KCNN3: variants seen among roughly 807,000 people sequenced by gnomAD.
KCNN3 encodes the protein potassium calcium-activated channel subfamily N member 3.
KCNN3 carries 16 observed loss-of-function variants against 62.9 expected under a neutral mutation model. That is an observed-to-expected ratio of 0.25 (90% CI 0.17 to 0.39). The LOEUF (loss-of-function observed/expected upper bound fraction) is 0.39. Ranked by LOEUF, KCNN3 falls within the 10% of genes least tolerant of loss-of-function variation. The pLI is 1.00. For synonymous variants in KCNN3, 370 were observed against 389.2 expected (o/e 0.95, Z 0.58); for missense variants, 599 against 949.4 (o/e 0.63, Z 4.85).
intron 1 of KCNN3, among the ~76,000 whole-genome samples, chr1:154,834,868 C>T (rs1651524441): frequency 6.6e-6 from 1 of 151,794 alleles, no homozygotes; most frequent in Non-Finnish European, 1.5e-5. Context: ...AGCACAGTCC[C>T]GGCTGAGACC....
intron 1 of KCNN3, among the ~76,000 whole-genome samples, chr1:154,844,479 C>A (rs1243586679): frequency 6.6e-6 from 1 of 152,212 alleles, no homozygotes; most frequent in East Asian, 1.9e-4. Context: ...GGTCACACAT[C>A]CTGTCAGGCC....
Position 154,699,258 on chromosome 1 carries a change from C to T in KCNN3, c.*8718G>A, listed in dbSNP as rs904762550. On this transcript the variant is annotated 3_prime_UTR_variant, in exon 8 of 8. Transcript: ENST00000271915. ...ACAAACAAAAAATACATCAATGTTC[C>T]GAATAGAACCTCTCTATGTAAAGGT... is the stretch of plus-strand genomic sequence containing the variant. 8.0e-5 allele frequency: 12 copies of T among 150,310 alleles called. No homozygotes were observed. Among genetic ancestry groups the T allele is most frequent in the African/African-American group, 1.5e-4 (6 of 40,738 alleles). 9.3% of individuals were successfully genotyped at this position (150,310 alleles called of 1,614,324 possible). A position where few individuals can be genotyped will look rare whatever the true frequency, so the allele number is the denominator to read the frequency against.
At chr1:154,793,151 A>C (rs1649589238) in intron 2 of KCNN3, among the ~76,000 whole-genome samples, 1 of 152,180 alleles carries the variant, frequency 6.6e-6, no homozygotes, top group African/African-American at 2.4e-5. Context: ...AGCTGTAATA[A>C]ATCATGTGCC....
chr1:154,731,901 G>A (rs2101790956), intron 4 of KCNN3, among the ~76,000 whole-genome samples: 1 of 152,212 alleles, frequency 6.6e-6, no homozygotes, highest in Middle Eastern at 3.4e-3. Flanking sequence ...TCTGAAAAAA[G>A]TGTCCAACCC....
At chr1:154,747,311 C>T (rs1248084564) in intron 3 of KCNN3, among the ~76,000 whole-genome samples, 2 of 152,178 alleles carry the variant, frequency 1.3e-5, no homozygotes, top group African/African-American at 4.8e-5. Flanking sequence ...CCCTTCCACA[C>T]TGCAGCCAGG....
At chr1:154,861,161 G>T (rs1332009204) in intron 1 of KCNN3, among the ~76,000 whole-genome samples, 3 of 151,938 alleles carry the variant, frequency 2.0e-5, no homozygotes, top group Non-Finnish European at 4.4e-5. Context: ...CGCCATGTTG[G>T]CCAGGCTGGT....
At chr1:154,794,590 C>G (rs768629544) in intron 2 of KCNN3, among the ~76,000 whole-genome samples, 9 of 152,216 alleles carry the variant, frequency 5.9e-5, no homozygotes, top group Admixed American at 3.3e-4. Flanking sequence ...TATTGCCTTT[C>G]TGGTCTCCCT....
chr1:154,731,262 C>T (rs752844217), intron 4 of KCNN3, among the ~76,000 whole-genome samples: 7 of 152,258 alleles, frequency 4.6e-5, no homozygotes, highest in Non-Finnish European at 7.3e-5. Flanking sequence ...ACAGTTGGTG[C>T]TATGCCAAGA....
At chr1:154,731,209 C>T (rs1452245538) in intron 4 of KCNN3, among the ~76,000 whole-genome samples, 1 of 152,228 alleles carries the variant, frequency 6.6e-6, no homozygotes, top group African/African-American at 2.4e-5. Context: ...AGTGGCATTT[C>T]ATTCCTTTCT....
intron 1 of KCNN3, among the ~76,000 whole-genome samples, chr1:154,842,497 C>T (rs573149199): frequency 2.6e-5 from 4 of 152,244 alleles, no homozygotes; most frequent in Admixed American, 1.3e-4. Flanking sequence ...AAAAGTGGGG[C>T]AGAAGGGGGC....
At position 154,809,763 on chromosome 1, in the gene KCNN3, T is replaced by A. The variant is rs1650323570; in HGVS notation, c.1029+12326A>T. Among the ~76,000 whole-genome samples the A allele has an allele frequency of 6.6e-6, 1 of 152,026 alleles. No homozygotes were observed. Among genetic ancestry groups the A allele is most frequent in the Admixed American group, 6.6e-5 (1 of 15,264 alleles). On this transcript the variant is annotated intron_variant, in intron 2 of 7. Transcript: ENST00000271915. This position sits in a 1 kb window ranked among gnomAD's most constrained non-coding sequence, Gnocchi z 4.3. ...TTCTCACCTAAAAAGCCAACGGTAT[T>A]AGGAAGGATGGGAGATTGAGGGGGC... is the stretch of plus-strand genomic sequence containing the variant.
At position 154,707,910 on chromosome 1, in the gene KCNN3, G is replaced by T; in HGVS notation, c.*66C>A. On this transcript the variant is annotated 3_prime_UTR_variant, in exon 8 of 8. Coordinates refer to ENST00000271915, the MANE Select transcript of KCNN3 (RefSeq NM_002249.6). ...TCTGAATGTTTCTTGATGGCAAAGC[G>T]ACCAGGAGAGAGTTGATTTGCATCT... 2 of 1,520,034 alleles carry T rather than the reference G, an allele frequency of 1.3e-6. No individual in the cohort carries two copies. The highest frequency in any genetic ancestry group is 2.5e-5 in the South Asian group (2 of 80,944). The allele number at this position is 1,520,034 out of a possible 1,614,324, so 94.2% of individuals were successfully genotyped here.
At chr1:154,737,803 C>A (rs941142298) in intron 3 of KCNN3, among the ~76,000 whole-genome samples, 4 of 152,146 alleles carry the variant, frequency 2.6e-5, no homozygotes, top group African/African-American at 9.7e-5. Flanking sequence ...GTGCCTGTAT[C>A]CCCCAGCTGC....
At chr1:154,799,104 A>G (rs1410234949) in intron 2 of KCNN3, among the ~76,000 whole-genome samples, 1 of 151,848 alleles carries the variant, frequency 6.6e-6, no homozygotes, top group African/African-American at 2.4e-5. Flanking sequence ...TTTAGTAGAG[A>G]TGGGGTTTCA....
At chr1:154,720,340 T>C (rs754953866) in intron 5 of KCNN3, among the ~76,000 whole-genome samples, 2 of 152,266 alleles carry the variant, frequency 1.3e-5, no homozygotes, top group Non-Finnish European at 2.9e-5. Context: ...TTGTGCGTGA[T>C]GTAATTTATA....
intron 3 of KCNN3, among the ~76,000 whole-genome samples, chr1:154,762,997 T>G (rs898486824): frequency 6.6e-6 from 1 of 152,246 alleles, no homozygotes; most frequent in African/African-American, 2.4e-5. Context: ...TTCATTGATC[T>G]GTCATTATTG....
chr1:154,729,172 T>G (rs1377260849), intron 4 of KCNN3, among the ~76,000 whole-genome samples: 1 of 151,970 alleles, frequency 6.6e-6, no homozygotes, highest in East Asian at 1.9e-4. Context: ...GGAAGCAGGA[T>G]GGGAAAGGGT....
chr1:154,818,434 C>G (rs1275943140), intron 2 of KCNN3, among the ~76,000 whole-genome samples: 1 of 152,198 alleles, frequency 6.6e-6, no homozygotes, highest in African/African-American at 2.4e-5. Flanking sequence ...CCCTGGGGTT[C>G]CTGCACTAGG....
In KCNN3 at chr1:154,707,097, AG is replaced by A. The variant is rs1171202059; in HGVS notation, c.*878del. The stretch of plus-strand genomic sequence containing the variant: ...CTTGGCATCCATTTCAAATCAAGCA[AG>A]GTGCATATCCAGGACAAAGCAATGT... On this transcript the variant is annotated 3_prime_UTR_variant, in exon 8 of 8. Transcript: ENST00000271915. The A allele has an allele frequency of 6.6e-6, 1 of 152,210 alleles. No homozygotes were observed. The highest frequency in any genetic ancestry group is 1.5e-5 in the Non-Finnish European group (1 of 68,034). The allele number at this position is 152,210 out of a possible 1,614,324, so 9.4% of individuals were successfully genotyped here.
Sources: gnomAD v4.1 joint callset for allele counts (sites outside exome capture counted in the v4.1 genomes callset) on GRCh38, gnomAD v4.1.1 for gene constraint, Gnocchi (gnomAD v3.1) non-coding constraint, MANE v1.5 for transcripts, NCBI Gene and HGNC (gene_info 2026-07-23, HGNC 2026-07-21) for gene names.